TRIM37: variants seen among roughly 807,000 people sequenced by gnomAD.
TRIM37 encodes E3 ubiquitin-protein ligase TRIM37.
In TRIM37, 80 loss-of-function variants were observed where a neutral mutation model predicts 129.8. That is an observed-to-expected ratio of 0.62 (90% confidence interval 0.51 to 0.74). TRIM37 has a LOEUF of 0.74. Ranked by LOEUF, TRIM37 falls within the 30% of genes least tolerant of loss-of-function variation. The probability of loss-of-function intolerance (pLI) is 0.00; values close to 1 mark genes in which losing one functional copy is unlikely to be tolerated. For synonymous variants in TRIM37, 389 were observed against 387.1 expected (o/e 1.00, Z -0.06); for missense variants, 1,054 against 1,176.5 (o/e 0.90, Z 1.52).
intron 22 of TRIM37, among the ~76,000 whole-genome samples, chr17:59,007,315 TATTG>T (rs890428179): frequency 6.8e-6 from 1 of 148,008 alleles, no homozygotes; most frequent in African/African-American, 2.5e-5. Context: ...TGTACCTTCT[TATTG>T]AGAGATTTGT....
Position 59,062,625 on chromosome 17 carries a change from G to A in TRIM37, c.884C>T (p.Pro295Leu). Residue 295 changes from proline (P) to leucine (L), a missense_variant, in exon 11 of 24, where the codon CCT becomes CTT. Pro to Leu is a moderately conservative substitution (Grantham distance 98). Coordinates refer to ENST00000262294, the MANE Select transcript of TRIM37 (RefSeq NM_015294.6). ...NFSTLRQRAD[P>L]VYSPPLQVSG... ...AACTTGAAGAGGTGGACTGTAAACA[G>A]GATCTGCTCTCTGACGCAAAGTGCT... 1 of 1,614,034 alleles carries A rather than the reference G, an allele frequency of 6.2e-7. No individual in the cohort carries two copies. Among genetic ancestry groups the A allele is most frequent in the Non-Finnish European group, 8.5e-7 (1 of 1,179,956 alleles).
At chr17:59,036,483 T>TGTGTGTGTGTGC (rs929536364) in intron 17 of TRIM37, among the ~76,000 whole-genome samples, 1 of 148,874 alleles carries the variant, frequency 6.7e-6, no homozygotes, top group African/African-American at 2.5e-5. Flanking sequence ...TGTGTGTGTG[T>TGTGTGTGTGTGC]GCACGCGTGT....
chr17:59,035,137 G>A (rs1015513555), intron 17 of TRIM37, among the ~76,000 whole-genome samples: 3 of 151,834 alleles, frequency 2.0e-5, no homozygotes, highest in African/African-American at 2.4e-5. Flanking sequence ...TTGGCTCACC[G>A]CAACTTCCAC....
intron 9 of TRIM37, among the ~76,000 whole-genome samples, chr17:59,067,967 T>A (rs2042050376): frequency 1.3e-5 from 2 of 152,254 alleles, no homozygotes; most frequent in African/African-American, 4.8e-5. Flanking sequence ...CACCAATTAC[T>A]AACTGATAGA....
intron 8 of TRIM37, among the ~76,000 whole-genome samples, chr17:59,072,000 G>T (rs1220273617): frequency 6.6e-6 from 1 of 152,116 alleles, no homozygotes; most frequent in East Asian, 1.9e-4. Flanking sequence ...TTTATATACT[G>T]CAGGCTCAAC....
At chr17:59,042,436 AAAAAAAAAAAAAAAT>A (rs1489727958) in intron 16 of TRIM37, among the ~76,000 whole-genome samples, 5 of 71,786 alleles carry the variant, frequency 7.0e-5, no homozygotes, top group African/African-American at 3.6e-4. Context: ...GAATTTAAAA[AAAAAAAAAAAAAAAT>A]ATATATATAT....
At chr17:58,969,659 C>A in the TRIM37 span, 1 of 1,614,140 alleles carries the variant, frequency 6.2e-7, no homozygotes, top group Non-Finnish European at 8.5e-7. Context: ...CCCCCATGAT[C>A]CTGCTGAGGC....
At chr17:59,092,412 C>T (rs1282442822) in intron 2 of TRIM37, among the ~76,000 whole-genome samples, 1 of 146,218 alleles carries the variant, frequency 6.8e-6, no homozygotes, top group African/African-American at 2.5e-5. Flanking sequence ...AAAAAAAAAA[C>T]AAAAAAAACG....
intron 16 of TRIM37, among the ~76,000 whole-genome samples, chr17:59,044,280 A>C (rs896463678): frequency 8.5e-5 from 13 of 152,278 alleles, no homozygotes; most frequent in Admixed American, 7.9e-4. Flanking sequence ...ACTGCACTCC[A>C]GCTTGGGTGA....
At chr17:59,056,543 A>C (rs921285253) in intron 13 of TRIM37, among the ~76,000 whole-genome samples, 2 of 151,462 alleles carry the variant, frequency 1.3e-5, no homozygotes, top group East Asian at 1.9e-4. Flanking sequence ...TCCTGGCTAA[A>C]ACAGTGAAAC....
intron 12 of TRIM37, among the ~76,000 whole-genome samples, chr17:59,060,733 C>T (rs2041407162): frequency 6.6e-6 from 1 of 152,076 alleles, no homozygotes; most frequent in South Asian, 2.1e-4. Context: ...AGATTTCATA[C>T]ATGTATTTCA....
chr17:59,075,318 G>A (rs1159620488), intron 8 of TRIM37, among the ~76,000 whole-genome samples: 2 of 151,772 alleles, frequency 1.3e-5, no homozygotes, highest in Admixed American at 6.6e-5. Context: ...AATCCCAGCA[G>A]CTTGGGAGGC....
At chr17:59,076,203 A>G (rs961361784) in intron 7 of TRIM37, among the ~76,000 whole-genome samples, 1 of 152,200 alleles carries the variant, frequency 6.6e-6, no homozygotes, top group African/African-American at 2.4e-5. Flanking sequence ...AAAAATGCCC[A>G]CAGAGGTGAA....
At chr17:59,005,651 C>T (rs1212155149) in intron 22 of TRIM37, among the ~76,000 whole-genome samples, 1 of 152,118 alleles carries the variant, frequency 6.6e-6, no homozygotes. Flanking sequence ...AGTGAATATT[C>T]AAATGCTAGA....
intron 23 of TRIM37, among the ~76,000 whole-genome samples, chr17:59,001,235 A>G (rs1197654853): frequency 6.6e-6 from 1 of 151,648 alleles, no homozygotes; most frequent in Non-Finnish European, 1.5e-5. Flanking sequence ...ACCCACAAAG[A>G]AAATTCTTCT....
intron 3 of TRIM37, among the ~76,000 whole-genome samples, chr17:59,089,507 G>A (rs1426870243): frequency 2.0e-5 from 3 of 152,076 alleles, no homozygotes; most frequent in Non-Finnish European, 4.4e-5. Flanking sequence ...TGGGCGTGGT[G>A]GCACGTGCCT....
chr17:58,974,261 A>T, the TRIM37 span, among the ~76,000 whole-genome samples: 1 of 152,196 alleles, frequency 6.6e-6, no homozygotes, highest in Non-Finnish European at 1.5e-5. Context: ...AATTATTTCC[A>T]TGAATTTTAA....
chr17:59,010,548 C>A (rs1388750282), intron 22 of TRIM37, among the ~76,000 whole-genome samples: 1 of 152,146 alleles, frequency 6.6e-6, no homozygotes, highest in Non-Finnish European at 1.5e-5. Context: ...GGCTGGAGTG[C>A]AGTGGCGTGA....
rs546069595 is a variant in TRIM37 at position 59,003,764 on chromosome 17, G to T, written c.2696-2050C>A. 7.3e-5 allele frequency among the ~76,000 whole-genome samples: 11 copies of T among 151,686 alleles called. No individual in the cohort carries two copies. The South Asian group carries it at 2.1e-3, about 29-fold the overall frequency. ...AATGATGAGATGACACAGATGTCTG[G>T]AATTATTTAAGGGCTTTAAAGCTAG... On this transcript the variant is annotated intron_variant, in intron 22 of 23. Transcript: ENST00000262294.
Sources: allele counts gnomAD v4.1 joint callset (sites outside exome capture counted in the v4.1 genomes callset), GRCh38; gene constraint gnomAD v4.1.1; transcripts MANE v1.5; gene names NCBI Gene and HGNC (gene_info 2026-07-23, HGNC 2026-07-21).